The following KLF12 variants were observed in gnomAD, a reference collection of about 807,000 sequenced individuals.
KLF12 encodes Krueppel-like factor 12.
In KLF12, 9 loss-of-function variants were observed where a neutral mutation model predicts 37.8. That is an observed-to-expected ratio of 0.24 (90% confidence interval 0.14 to 0.42). The LOEUF (loss-of-function observed/expected upper bound fraction) is 0.42, where lower values mean the gene tolerates loss of function less well. Among genes scored for constraint, KLF12 ranks in the 10% least tolerant of loss-of-function variants. The pLI, the probability that KLF12 is intolerant of heterozygous loss-of-function variation, is 1.00. For synonymous variants in KLF12, 208 were observed against 202.1 expected (o/e 1.03, Z -0.25); for missense variants, 411 against 516.0 (o/e 0.80, Z 1.97).
chr13:74,061,608 T>C (rs1873594954), intron 1 of KLF12, among the ~76,000 whole-genome samples: 1 of 152,150 alleles, frequency 6.6e-6, no homozygotes, highest in East Asian at 1.9e-4. Context: ...ATCCCAATGA[T>C]GTCCCAAGTT....
At chr13:74,150,367 T>C in the KLF12 span, among the ~76,000 whole-genome samples, 1 of 152,152 alleles carries the variant, frequency 6.6e-6, no homozygotes, top group East Asian at 1.9e-4. Flanking sequence ...GTCCCTAAAT[T>C]GTGGACAGTG....
At chr13:74,185,903 C>T in the KLF12 span, among the ~76,000 whole-genome samples, 1 of 152,162 alleles carries the variant, frequency 6.6e-6, no homozygotes, top group East Asian at 1.9e-4. Context: ...CTCGGCCTTG[C>T]AAAGTGCGGG....
intron 1 of KLF12, among the ~76,000 whole-genome samples, chr13:74,082,300 T>G (rs1452797764): frequency 6.6e-6 from 1 of 151,844 alleles, no homozygotes; most frequent in African/African-American, 2.4e-5. Flanking sequence ...TTCTCTCCAA[T>G]CCACACATAT....
the KLF12 span, among the ~76,000 whole-genome samples, chr13:74,187,612 TA>T: frequency 6.6e-6 from 1 of 152,196 alleles, no homozygotes; most frequent in African/African-American, 2.4e-5. Context: ...AGACAGTAAG[TA>T]AATATTTGAT....
intron 5 of KLF12, among the ~76,000 whole-genome samples, chr13:73,777,129 A>G (rs61957282): frequency 0.47 from 70,674 of 151,824 alleles, 16,780 homozygotes; most frequent in African/African-American, 0.53. Context: ...AATTCCTTCC[A>G]GTGAATGGTG....
At chr13:73,805,603 CAGAA>C (rs1882525076) in intron 5 of KLF12, among the ~76,000 whole-genome samples, 1 of 108,312 alleles carries the variant, frequency 9.2e-6, no homozygotes, top group Non-Finnish European at 1.8e-5. Flanking sequence ...GAGGCACTGT[CAGAA>C]GGAAGGGAGG....
chr13:73,863,465 A>T (rs1261395566), intron 3 of KLF12, among the ~76,000 whole-genome samples: 1 of 152,100 alleles, frequency 6.6e-6, no homozygotes, highest in Admixed American at 6.5e-5. Flanking sequence ...CTCCCTACAT[A>T]TTAAGGGAGT....
chr13:74,042,303 C>CA (rs547433221), intron 1 of KLF12, among the ~76,000 whole-genome samples: 9,529 of 74,262 alleles, frequency 0.13, 589 homozygotes, highest in East Asian at 0.34. Context: ...GACTCCATCT[C>CA]AAAAAAAAAA....
At chr13:74,060,509 T>C (rs867236276) in intron 1 of KLF12, among the ~76,000 whole-genome samples, 2 of 146,690 alleles carry the variant, frequency 1.4e-5, no homozygotes, top group Non-Finnish European at 3.0e-5. Context: ...TGTGTGTGTG[T>C]GTGTGTGTGT....
At chr13:73,931,611 A>G (rs1337673636) in intron 3 of KLF12, among the ~76,000 whole-genome samples, 1 of 152,180 alleles carries the variant, frequency 6.6e-6, no homozygotes, top group Non-Finnish European at 1.5e-5. Flanking sequence ...GACATCCATT[A>G]AGGGTTTTGA....
intron 1 of KLF12, among the ~76,000 whole-genome samples, chr13:74,005,501 A>G (rs567018505): frequency 6.6e-6 from 1 of 152,328 alleles, no homozygotes; most frequent in East Asian, 1.9e-4. Context: ...AATAAATCAA[A>G]TCTGTGAACA....
At chr13:74,134,267 G>A (rs1226551634), upstream of KLF12, among the ~76,000 whole-genome samples, 1 of 151,938 alleles carries the variant, frequency 6.6e-6, no homozygotes, top group Non-Finnish European at 1.5e-5. Flanking sequence ...CGCCGCTGCC[G>A]GCGAGCCCCG....
At chr13:73,970,685 G>A (rs950463593) in intron 2 of KLF12, among the ~76,000 whole-genome samples, 5 of 152,202 alleles carry the variant, frequency 3.3e-5, no homozygotes, top group African/African-American at 1.2e-4. Flanking sequence ...AGAGGTACCA[G>A]ACTGTCGGAC....
At chr13:73,802,553 T>A (rs1882337082) in intron 5 of KLF12, among the ~76,000 whole-genome samples, 1 of 152,126 alleles carries the variant, frequency 6.6e-6, no homozygotes, top group African/African-American at 2.4e-5. Flanking sequence ...AGGTTTGGGG[T>A]ACAATTGATC....
chr13:74,286,839 C>T, the KLF12 span, among the ~76,000 whole-genome samples: 2 of 152,092 alleles, frequency 1.3e-5, no homozygotes, highest in Admixed American at 6.6e-5. Flanking sequence ...ATTCAGTGTG[C>T]CTTCCATGAG....
At chr13:73,783,857 C>G (rs1291616345) in intron 5 of KLF12, among the ~76,000 whole-genome samples, 1 of 152,110 alleles carries the variant, frequency 6.6e-6, no homozygotes, top group African/African-American at 2.4e-5. Flanking sequence ...TAATGACTGG[C>G]AAACCGGACA....
intron 2 of KLF12, among the ~76,000 whole-genome samples, chr13:73,959,849 T>G (rs541080760): frequency 6.2e-4 from 94 of 152,300 alleles, no homozygotes; most frequent in African/African-American, 2.1e-3. Flanking sequence ...CTCCTAATAG[T>G]TTAGTCTGAA....
intron 6 of KLF12, among the ~76,000 whole-genome samples, chr13:73,717,439 T>C (rs1261217280): frequency 3.3e-5 from 5 of 152,212 alleles, no homozygotes; most frequent in Admixed American, 3.3e-4. Context: ...GTGACGGACA[T>C]ATAGACTACT....
In KLF12 at chr13:73,987,282, A is replaced by G. The variant is rs761141929; in HGVS notation, c.33+7708T>C. On this transcript the variant is annotated intron_variant, in intron 2 of 7. Coordinates refer to ENST00000377669, the MANE Select transcript of KLF12 (RefSeq NM_007249.5). ...AACATCAGCTTAAGAGAAGGGAAGA[A>G]GCTGCCTTATTAAAATAATATACAA... is the stretch of plus-strand genomic sequence containing the variant. 2.0e-5 allele frequency among the ~76,000 whole-genome samples: 3 copies of G among 152,286 alleles called. No homozygotes were observed. The East Asian group carries it at 5.8e-4, about 29-fold the overall frequency.
Sources: gnomAD v4.1 joint callset for allele counts (sites outside exome capture counted in the v4.1 genomes callset) on GRCh38, gnomAD v4.1.1 for gene constraint, MANE v1.5 for transcripts, NCBI Gene and HGNC (gene_info 2026-07-23, HGNC 2026-07-21) for gene names.